The following SP4 variants were observed in gnomAD, a reference collection of about 807,000 sequenced individuals.
SP4 encodes the protein transcription factor Sp4.
Under a neutral mutation model 72.8 loss-of-function variants are expected in SP4, and 19 were observed. The ratio of observed to expected loss-of-function variants is 0.26; its 90% CI spans 0.18 to 0.38. The LOEUF is 0.38. Ranked by LOEUF, SP4 falls within the 10% of genes least tolerant of loss-of-function variation. The pLI is 1.00. For synonymous variants in SP4, 395 were observed against 333.1 expected, an observed-to-expected ratio of 1.19 and a Z score of -2.02; for missense variants, 1,008 against 926.3, an observed-to-expected ratio of 1.09 and a Z score of -1.14.
intron 5 of SP4, among the ~76,000 whole-genome samples, chr7:21,506,667 G>A (rs976867096): frequency 6.6e-6 from 1 of 151,998 alleles, no homozygotes; most frequent in Non-Finnish European, 1.5e-5. Context: ...TCCTCAGTTG[G>A]TTTCTCTTTC....
At chr7:21,475,998 C>T (rs574543422) in intron 3 of SP4, among the ~76,000 whole-genome samples, 71 of 152,168 alleles carry the variant, frequency 4.7e-4, no homozygotes, top group Non-Finnish European at 7.4e-4. Context: ...AGGCCGGGCA[C>T]GGTGGCTCAC....
chr7:21,429,261 C>A (rs766232251), intron 2 of SP4, 28 bp from the exon 3 acceptor site: 58 of 1,301,904 alleles, frequency 4.5e-5, no homozygotes, highest in Non-Finnish European at 5.8e-5. Context: ...TCCCCCCCCC[C>A]TCTCCTTTAC....
In SP4 at chr7:21,428,179, TCCCGCCTCGCCCCCACCCCCA is replaced by T; in HGVS notation, c.-69_-49del. 2 of 600,790 alleles carry T rather than the reference TCCCGCCTCGCCCCCACCCCCA, an allele frequency of 3.3e-6. No individual in the cohort carries two copies. Among genetic ancestry groups the T allele is most frequent in the Non-Finnish European group, 6.3e-6 (2 of 315,452 alleles). The allele number at this position is 600,790 out of a possible 1,614,324, so 37.2% of individuals were successfully genotyped here. ...GCGGGCGGGCGGGACCGGCCTCTCC[TCCCGCCTCGCCCCCACCCCCA>T]CCCACCTCTATCCCAGTGTCTCCGT... On this transcript the variant is annotated 5_prime_UTR_variant, in exon 1 of 6. Transcript: ENST00000222584.
In SP4 at chr7:21,471,219, A is replaced by AG; in HGVS notation, c.1679-5860_1679-5859insG. The AG allele has an allele frequency of 8.6e-6, 4 of 464,384 alleles. No homozygotes were observed. In the Admixed American group the frequency reaches 9.7e-5, roughly 11 times the overall value. The allele number at this position is 464,384 out of a possible 1,614,324, so 28.8% of individuals were successfully genotyped here. A position where few individuals can be genotyped will look rare whatever the true frequency, so the allele number is the denominator to read the frequency against. ...TTATGTACTATGCTAAGAAATACTG[A>AG]CCTTATTGTGAATGTATGGAGGGCC... On this transcript the variant is annotated intron_variant, in intron 3 of 5. Coordinates refer to ENST00000222584, the MANE Select transcript of SP4 (RefSeq NM_003112.5).
At chr7:21,509,665 T>A (rs1267268222) in intron 5 of SP4, among the ~76,000 whole-genome samples, 1 of 152,110 alleles carries the variant, frequency 6.6e-6, no homozygotes, top group African/African-American at 2.4e-5. Flanking sequence ...CAAAGTTTAC[T>A]CAAAAGTAAA....
At position 21,430,742 on chromosome 7, in the gene SP4, A is replaced by T; in HGVS notation, c.1577A>T (p.Gln526Leu). 6.2e-7 allele frequency: 1 copy of T among 1,614,230 alleles called. No homozygotes were observed. The highest frequency in any genetic ancestry group is 8.5e-7 in the Non-Finnish European group (1 of 1,180,044). Reference protein sequence around the residue: ...AGAPITLNTAQLASVPNLQTV... With the variant: ...AGAPITLNTALLASVPNLQTV... ...GCCCCAATAACTTTGAATACTGCCC[A>T]GCTTGCATCAGTGCCTAACCTTCAG... Residue 526 changes from glutamine to leucine, a missense_variant, in exon 3 of 6, where the codon CAG becomes CTG. Gln to Leu is a moderately radical substitution (Grantham distance 113). Coordinates refer to ENST00000222584, the MANE Select transcript of SP4 (RefSeq NM_003112.5).
At chr7:21,481,119 G>T (rs950798859) in intron 4 of SP4, among the ~76,000 whole-genome samples, 2 of 152,184 alleles carry the variant, frequency 1.3e-5, no homozygotes, top group African/African-American at 2.4e-5. Flanking sequence ...CTGGACCCCA[G>T]TATTTTCATC....
intron 3 of SP4, among the ~76,000 whole-genome samples, chr7:21,448,974 C>A (rs955026442): frequency 1.3e-5 from 2 of 152,128 alleles, no homozygotes; most frequent in African/African-American, 4.8e-5. Flanking sequence ...GGAAGGACTA[C>A]CTCTTCCGGG....
chr7:21,481,878 C>G, intron 4 of SP4, 46 bp from the exon 5 acceptor site: 1 of 1,280,652 alleles, frequency 7.8e-7, no homozygotes, highest in Non-Finnish European at 1.1e-6. Flanking sequence ...AATTGTAAAC[C>G]TACTATTTGG....
At chr7:21,463,698 T>C (rs924266344) in intron 3 of SP4, among the ~76,000 whole-genome samples, 2 of 152,224 alleles carry the variant, frequency 1.3e-5, no homozygotes, top group Non-Finnish European at 2.9e-5. Flanking sequence ...AGAGCAGTTC[T>C]AGTTGAAGAC....
chr7:21,434,253 T>A (rs1185343772), intron 3 of SP4, among the ~76,000 whole-genome samples: 3 of 152,122 alleles, frequency 2.0e-5, no homozygotes, highest in Admixed American at 2.0e-4. Context: ...GAGCTAAAAC[T>A]CTCCACCATC....
Position 21,482,124 on chromosome 7 carries a change from G to C in SP4, c.2107+1G>C. The C allele has an allele frequency of 6.2e-7, 1 of 1,611,290 alleles. No homozygotes were observed. Among genetic ancestry groups the C allele is most frequent in the Non-Finnish European group, 8.5e-7 (1 of 1,178,188 alleles). ...CAGAGACATAGAAGAACCCATACAG[G>C]TTAGTTGATTTTAGGACTTGTACTT... On this transcript the variant is annotated splice_donor_variant, in intron 5 of 5. Coordinates refer to ENST00000222584, the MANE Select transcript of SP4 (RefSeq NM_003112.5). LOFTEE classifies it high-confidence loss of function.
intron 3 of SP4, among the ~76,000 whole-genome samples, chr7:21,433,414 A>T (rs769923471): frequency 2.6e-5 from 4 of 152,226 alleles, no homozygotes; most frequent in Non-Finnish European, 5.9e-5. Flanking sequence ...AAAGACCAGA[A>T]GTGTACCTTG....
At position 21,514,499 on chromosome 7, in the gene SP4, TGTA is replaced by T. The variant is rs1250083955; in HGVS notation, c.*3234_*3236del. The T allele has an allele frequency of 1.3e-5, 2 of 148,294 alleles. No individual in the cohort carries two copies. The highest frequency in any genetic ancestry group is 5.0e-5 in the African/African-American group (2 of 39,950). The allele number at this position is 148,294 out of a possible 1,614,324, so 9.2% of individuals were successfully genotyped here. On this transcript the variant is annotated 3_prime_UTR_variant, in exon 6 of 6. Transcript: ENST00000222584. ...TGCAAAAATTCCTTATAAAAAGTTT[TGTA>T]GTAACATTTCACTTGTAAATTTTTT... is the stretch of plus-strand genomic sequence containing the variant.
At chr7:21,481,272 G>C (rs10275955) in intron 4 of SP4, among the ~76,000 whole-genome samples, 1 of 152,126 alleles carries the variant, frequency 6.6e-6, no homozygotes, top group Non-Finnish European at 1.5e-5. Context: ...TCCTCTGACC[G>C]GGAGGTGGGA....
At chr7:21,439,704 A>G (rs895964843) in intron 3 of SP4, among the ~76,000 whole-genome samples, 3 of 152,136 alleles carry the variant, frequency 2.0e-5, no homozygotes, top group Non-Finnish European at 4.4e-5. Context: ...AGCCTGGGCA[A>G]CATAGTGAGA....
At chr7:21,463,074 T>G (rs1453080985) in intron 3 of SP4, among the ~76,000 whole-genome samples, 3 of 152,112 alleles carry the variant, frequency 2.0e-5, no homozygotes, top group African/African-American at 7.2e-5. Flanking sequence ...TAAATAACTT[T>G]TCTTTTTTTT....
intron 5 of SP4, among the ~76,000 whole-genome samples, chr7:21,501,434 A>G (rs1251862959): frequency 1.3e-5 from 2 of 152,112 alleles, no homozygotes. Flanking sequence ...TACTTTCTCC[A>G]TAGGAGATTG....
Position 21,430,175 on chromosome 7 carries a change from CATT to C in SP4, c.1012_1014del (p.Leu338del). ...TCAACGTCTTTGACAAGCAGTGACA[CATT>C]AGTGAGCTCAGCAGATACTGGCCAG... On this transcript the variant is annotated inframe_deletion, in exon 3 of 6. Coordinates refer to ENST00000222584, the MANE Select transcript of SP4 (RefSeq NM_003112.5). 6.2e-7 allele frequency: 1 copy of C among 1,614,206 alleles called. No homozygotes were observed. The highest frequency in any genetic ancestry group is 8.5e-7 in the Non-Finnish European group (1 of 1,180,030).
Sources: gnomAD v4.1 joint callset for allele counts (sites outside exome capture counted in the v4.1 genomes callset) on GRCh38, gnomAD v4.1.1 for gene constraint, MANE v1.5 for transcripts, NCBI Gene and HGNC (gene_info 2026-07-23, HGNC 2026-07-21) for gene names.